The following SEMA5A variants were observed in gnomAD, a reference collection of about 807,000 sequenced individuals.
SEMA5A encodes semaphorin 5A, also known as semaphorin-5A.
In SEMA5A, 55 loss-of-function variants were observed where a neutral mutation model predicts 135.5. That is an observed-to-expected ratio of 0.41 (90% confidence interval 0.33 to 0.51). The LOEUF is 0.51. SEMA5A is among the 20% of genes least tolerant of loss of function. The pLI, the probability that SEMA5A is intolerant of heterozygous loss-of-function variation, is 0.37. For synonymous variants in SEMA5A, 580 were observed against 546.5 expected, an observed-to-expected ratio of 1.06 and a Z score of -0.85; for missense variants, 1,290 against 1,419.9, an observed-to-expected ratio of 0.91 and a Z score of 1.47.
chr5:9,244,806 G>A (rs1269666671), intron 5 of SEMA5A, among the ~76,000 whole-genome samples: 1 of 152,184 alleles, frequency 6.6e-6, no homozygotes, highest in African/African-American at 2.4e-5. Flanking sequence ...TGAGCTGGTT[G>A]GGTGAGCCTA....
chr5:9,503,529 T>A (rs1735701242), intron 1 of SEMA5A, among the ~76,000 whole-genome samples: 1 of 152,234 alleles, frequency 6.6e-6, no homozygotes, highest in Non-Finnish European at 1.5e-5. Context: ...ACTGAGCAGA[T>A]TCATCCACAC....
intron 2 of SEMA5A, among the ~76,000 whole-genome samples, chr5:9,417,186 T>C (rs998586416): frequency 3.3e-5 from 5 of 152,232 alleles, no homozygotes; most frequent in African/African-American, 1.2e-4. Flanking sequence ...GCTGCTGCTT[T>C]TACATTTTGC....
At chr5:9,078,684 T>C (rs1357053022) in intron 16 of SEMA5A, among the ~76,000 whole-genome samples, 3 of 152,120 alleles carry the variant, frequency 2.0e-5, no homozygotes, top group Admixed American at 6.6e-5. Context: ...AGGATTTGTA[T>C]GGGATGGTTA....
At chr5:9,182,048 C>T (rs1295121684) in intron 11 of SEMA5A, among the ~76,000 whole-genome samples, 3 of 152,008 alleles carry the variant, frequency 2.0e-5, no homozygotes, top group African/African-American at 4.8e-5. Flanking sequence ...GCACATTGCA[C>T]GTTTCTTCTT....
At chr5:9,407,797 C>T (rs1756944179) in intron 2 of SEMA5A, among the ~76,000 whole-genome samples, 1 of 152,154 alleles carries the variant, frequency 6.6e-6, no homozygotes, top group Non-Finnish European at 1.5e-5. Context: ...TTCCTTTAAG[C>T]TCTGGATGGT....
intron 1 of SEMA5A, among the ~76,000 whole-genome samples, chr5:9,472,845 T>G (rs1183310645): frequency 3.3e-5 from 5 of 150,816 alleles, no homozygotes; most frequent in African/African-American, 9.7e-5. Flanking sequence ...GAAGTATATA[T>G]AAAAATATAT....
chr5:9,079,825 T>C (rs1452546109), intron 16 of SEMA5A, among the ~76,000 whole-genome samples: 2 of 151,976 alleles, frequency 1.3e-5, no homozygotes, highest in Non-Finnish European at 2.9e-5. Context: ...ACTAGAGAAA[T>C]GCAAACCAAA....
intron 1 of SEMA5A, among the ~76,000 whole-genome samples, chr5:9,514,208 C>T (rs1446130216): frequency 6.6e-6 from 1 of 152,186 alleles, no homozygotes; most frequent in African/African-American, 2.4e-5. Context: ...TGCAGCAAAT[C>T]TTCCTCTGCT....
chr5:9,361,943 G>A (rs536045109), intron 3 of SEMA5A, among the ~76,000 whole-genome samples: 1 of 152,248 alleles, frequency 6.6e-6, no homozygotes, highest in Non-Finnish European at 1.5e-5. Context: ...ACTAGAGGGC[G>A]CTCTCAAACT....
Position 9,197,747 on chromosome 5 carries a change from TGTGTGTG to T in SEMA5A, c.933-451_933-445del, listed in dbSNP as rs1561011224. ...AGCTGTTTGTGTGTGTGTGTGTGTG[TGTGTGTG>T]TGTGTGTGTGTGTGTGTGTGTGTGT... On this transcript the variant is annotated intron_variant, in intron 9 of 22. Transcript: ENST00000382496. Among the ~76,000 whole-genome samples the T allele has an allele frequency of 1.3e-3, 175 of 134,250 alleles. 1 individual carries two copies. Among genetic ancestry groups the T allele is most frequent in the African/African-American group, 4.2e-3 (147 of 35,418 alleles). The allele number at this position is 134,250 out of a possible 152,430, so 88.1% of individuals were successfully genotyped here. A position where few individuals can be genotyped will look rare whatever the true frequency, so the allele number is the denominator to read the frequency against.
At chr5:9,218,057 C>T (rs768630611) in intron 8 of SEMA5A, among the ~76,000 whole-genome samples, 28 of 151,878 alleles carry the variant, frequency 1.8e-4, no homozygotes, top group Admixed American at 3.9e-4. Flanking sequence ...AGGGTAGAGG[C>T]GGGGAGGAGG....
At chr5:9,347,046 T>A (rs1471821707) in intron 3 of SEMA5A, among the ~76,000 whole-genome samples, 3 of 152,094 alleles carry the variant, frequency 2.0e-5, no homozygotes, top group Admixed American at 6.5e-5. Context: ...TTTATAGAAC[T>A]TTTAAAAAAC....
chr5:9,272,333 C>T (rs112495516), intron 5 of SEMA5A, among the ~76,000 whole-genome samples: 3,126 of 152,242 alleles, frequency 0.021, 120 homozygotes, highest in African/African-American at 0.071. Context: ...CTGGGCAGGG[C>T]ATCTCTGAAA....
chr5:9,363,429 G>C (rs1281216228), intron 3 of SEMA5A: 1 of 31,984 alleles, frequency 3.1e-5, no homozygotes. Flanking sequence ...AGTAGGTAAG[G>C]GGGGGTCATA....
At chr5:9,089,119 T>TATC (rs1487574106) in intron 16 of SEMA5A, among the ~76,000 whole-genome samples, 1 of 152,192 alleles carries the variant, frequency 6.6e-6, no homozygotes, top group African/African-American at 2.4e-5. Context: ...AGACTGTACT[T>TATC]ATCTATTTCT....
intron 1 of SEMA5A, among the ~76,000 whole-genome samples, chr5:9,458,608 T>C (rs1241658702): frequency 1.3e-5 from 2 of 152,142 alleles, no homozygotes; most frequent in African/African-American, 4.8e-5. Flanking sequence ...GGCAAACTGC[T>C]CTGGGGCTGT....
rs1168940864 is a variant in SEMA5A at position 9,041,850 on chromosome 5, G to A, written c.*1047C>T. 1.3e-5 allele frequency: 2 copies of A among 152,308 alleles called. No individual in the cohort carries two copies. The highest frequency in any genetic ancestry group is 4.8e-5 in the African/African-American group (2 of 41,308). The allele number at this position is 152,308 out of a possible 1,614,324, so 9.4% of individuals were successfully genotyped here. Reference sequence around the variant, plus strand: ...GGTAGGGGCTGATTGCCACACATTGGGTATATCAGAGAGATGAAAAATAAA... The same window carrying A: ...GGTAGGGGCTGATTGCCACACATTGAGTATATCAGAGAGATGAAAAATAAA... On this transcript the variant is annotated 3_prime_UTR_variant, in exon 23 of 23. Coordinates refer to ENST00000382496, the MANE Select transcript of SEMA5A (RefSeq NM_003966.3).
rs558809228 is a variant in SEMA5A, at chr5:9,137,888, A to G, written c.1482-1267T>C. ...ACTTATATTTGGTCATTTAAACCCC[A>G]TGACAACCTTATTAATACAGTACCT... On this transcript the variant is annotated intron_variant, in intron 12 of 22. Transcript: ENST00000382496. 1.9e-3 allele frequency among the ~76,000 whole-genome samples: 295 copies of G among 152,336 alleles called. 2 individuals carry two copies. Among genetic ancestry groups the G allele is most frequent in the African/African-American group, 6.9e-3 (286 of 41,570 alleles).
chr5:9,162,585 T>TATATACAC lies in SEMA5A; in HGVS notation c.1274-7891_1274-7890insGTGTATAT, dbSNP rs370982773. 2.5e-4 allele frequency among the ~76,000 whole-genome samples: 28 copies of TATATACAC among 112,070 alleles called. 1 individual carries two copies. Among genetic ancestry groups the TATATACAC allele is most frequent in the East Asian group, 9.3e-4 (3 of 3,230 alleles). 73.5% of individuals were successfully genotyped at this position (112,070 alleles called of 152,430 possible). ...GTGTGTATATATATATATATATATATACACACACACACACAAACCATCTTT... is the reference window on the plus strand; with the variant it reads ...GTGTGTATATATATATATATATATATATATACACACACACACACACACAAACCATCTTT... On this transcript the variant is annotated intron_variant, in intron 11 of 22. Transcript: ENST00000382496.
Sources: allele counts gnomAD v4.1 joint callset (sites outside exome capture counted in the v4.1 genomes callset), GRCh38; gene constraint gnomAD v4.1.1; transcripts MANE v1.5; gene names NCBI Gene and HGNC (gene_info 2026-07-23, HGNC 2026-07-21).